Variants in RNF24 observed in about 807,000 individuals in gnomAD.
The protein encoded by RNF24 is ring finger protein 24.
A neutral mutation model predicts 20.0 loss-of-function variants in RNF24; 14 were observed. That is an observed-to-expected ratio of 0.70 (90% CI 0.46 to 1.10). The LOEUF (loss-of-function observed/expected upper bound fraction) is 1.10, where lower values mean the gene tolerates loss of function less well. Among genes scored for constraint, RNF24 ranks in the 50% least tolerant of loss-of-function variants. The pLI is 0.00. For missense variants in RNF24, 124 were observed against 177.6 expected, an observed-to-expected ratio of 0.70 and a Z score of 1.71; for synonymous variants, 45 against 61.1, an observed-to-expected ratio of 0.74 and a Z score of 1.23.
rs145700670 is a variant in RNF24 at position 3,989,655 on chromosome 20, G to A, written c.-7-25631C>T. ...TGTATTTTCCTGCTGTTTTGTTGTGGGTAGAGTCATGTGACTAAAACTTGT... is the reference window on the plus strand; with the variant it reads ...TGTATTTTCCTGCTGTTTTGTTGTGAGTAGAGTCATGTGACTAAAACTTGT... On this transcript the variant is annotated intron_variant, in intron 1 of 5. Transcript: ENST00000358395. Among the ~76,000 whole-genome samples the A allele has an allele frequency of 3.3e-5, 5 of 152,210 alleles. No individual in the cohort carries two copies. The East Asian group carries it at 9.6e-4, about 29-fold the overall frequency.
At chr20:3,935,718 T>C (rs2090882632) in intron 4 of RNF24, among the ~76,000 whole-genome samples, 1 of 152,250 alleles carries the variant, frequency 6.6e-6, no homozygotes, top group South Asian at 2.1e-4. Flanking sequence ...TTTGCCATCG[T>C]ACCCAGGGGC....
intron 3 of RNF24, among the ~76,000 whole-genome samples, chr20:3,945,715 C>CAA (rs11481275): frequency 6.4e-4 from 74 of 115,424 alleles, no homozygotes; most frequent in African/African-American, 8.3e-4. Context: ...AACTCCGTCT[C>CAA]AAAAAAAAAA....
chr20:3,973,500 C>CAAAAAAAAAAAAAAAAAAAAAAAA (rs56824542), intron 1 of RNF24, among the ~76,000 whole-genome samples: 5 of 101,106 alleles, frequency 4.9e-5, no homozygotes, highest in Admixed American at 1.2e-4. Context: ...GGAAGAATGA[C>CAAAAAAAAAAAAAAAAAAAAAAAA]AAAAAAAAAA....
At chr20:3,978,596 T>G (rs1240344015) in intron 1 of RNF24, among the ~76,000 whole-genome samples, 1 of 152,090 alleles carries the variant, frequency 6.6e-6, no homozygotes, top group African/African-American at 2.4e-5. Context: ...CTTTAAATGA[T>G]TCTAAGATAT....
In RNF24 at chr20:3,937,856, C is replaced by T. The variant is rs1041015110; in HGVS notation, c.229-2783G>A. Among the ~76,000 whole-genome samples, 3 of 152,108 alleles carry T rather than the reference C, an allele frequency of 2.0e-5. No homozygotes were observed. The East Asian group carries it at 5.8e-4, about 29-fold the overall frequency. ...TACCGCATTTTGTTTACCCATTTAT[C>T]TATTGATGGCCACCTGGGTTGTTTC... On this transcript the variant is annotated intron_variant, in intron 4 of 5. Transcript: ENST00000358395.
chr20:3,991,355 G>T lies in RNF24; in HGVS notation c.-8+24082C>A, dbSNP rs554554309. Reference sequence around the variant, plus strand: ...CAACCTCCGCCTACCTGGTTCAAGTGATTCTCCTGCCTCAGCTTCCCAAGC... The same window carrying T: ...CAACCTCCGCCTACCTGGTTCAAGTTATTCTCCTGCCTCAGCTTCCCAAGC... On this transcript the variant is annotated intron_variant, in intron 1 of 5. Coordinates refer to ENST00000358395, the MANE Select transcript of RNF24 (RefSeq NM_001134337.3). Among the ~76,000 whole-genome samples, 250 of 146,836 alleles carry T rather than the reference G, an allele frequency of 1.7e-3. 1 individual carries two copies. Among genetic ancestry groups the T allele is most frequent in the African/African-American group, 5.9e-3 (235 of 39,596 alleles).
chr20:3,931,686 C>A lies in RNF24; in HGVS notation c.*2377G>T, dbSNP rs1395151854. On this transcript the variant is annotated 3_prime_UTR_variant, in exon 6 of 6. Transcript: ENST00000358395. ...TCACTGTTCCAGCTTCCAGCCCAAT[C>A]CTAGCAGAATGAATGCATTTTAAAA... 1 of 152,216 alleles carries A rather than the reference C, an allele frequency of 6.6e-6. No homozygotes were observed. The highest frequency in any genetic ancestry group is 1.9e-4 in the East Asian group (1 of 5,190). The allele number at this position is 152,216 out of a possible 1,614,324, so 9.4% of individuals were successfully genotyped here. A position where few individuals can be genotyped will look rare whatever the true frequency, so the allele number is the denominator to read the frequency against.
intron 1 of RNF24, among the ~76,000 whole-genome samples, chr20:4,010,508 C>T (rs1982376927): frequency 6.6e-6 from 1 of 152,184 alleles, no homozygotes; most frequent in Admixed American, 6.5e-5. Flanking sequence ...ATATTTGTCA[C>T]ATTTAATAAT....
intron 1 of RNF24, among the ~76,000 whole-genome samples, chr20:3,986,063 T>C (rs1655312488): frequency 6.6e-6 from 1 of 152,120 alleles, no homozygotes; most frequent in African/African-American, 2.4e-5. Context: ...ATTTTCTCTA[T>C]TTTTATGTAA....
Position 3,934,303 on chromosome 20 carries a change from G to A in RNF24, c.309-102C>T, listed in dbSNP as rs548963442. The stretch of plus-strand genomic sequence containing the variant: ...ATCTGTCACCCAGACAACGTCTGCT[G>A]TATGGTCCAAGGAGCTCCCCTCCTA... On this transcript the variant is annotated intron_variant, in intron 5 of 5. Coordinates refer to ENST00000358395, the MANE Select transcript of RNF24 (RefSeq NM_001134337.3). This position sits in a 1 kb window ranked among gnomAD's most constrained non-coding sequence, Gnocchi z 4.0. The A allele has an allele frequency of 1.2e-4, 148 of 1,250,676 alleles. 1 individual carries two copies. In the South Asian group the frequency reaches 1.9e-3, roughly 16 times the overall value. 77.5% of individuals were successfully genotyped at this position (1,250,676 alleles called of 1,614,324 possible).
chr20:3,945,340 A>G, intron 3 of RNF24, 122 bp from the exon 4 acceptor site: 1 of 969,450 alleles, frequency 1.0e-6, no homozygotes, highest in Non-Finnish European at 1.5e-6. Context: ...TTCAATATTG[A>G]AGGGAATTTC....
intron 1 of RNF24, among the ~76,000 whole-genome samples, chr20:3,968,814 T>C (rs892046018): frequency 9.2e-5 from 14 of 152,106 alleles, no homozygotes; most frequent in Non-Finnish European, 1.8e-4. Flanking sequence ...CACTGGGTTC[T>C]AGAGAGAATT....
At chr20:3,954,855 C>T (rs955469418) in intron 2 of RNF24, among the ~76,000 whole-genome samples, 46 of 151,154 alleles carry the variant, frequency 3.0e-4, no homozygotes, top group African/African-American at 8.3e-4. Context: ...GCCGAGATCG[C>T]GCCATTGCAC....
intron 3 of RNF24, among the ~76,000 whole-genome samples, chr20:3,946,191 G>A (rs1476393385): frequency 2.0e-5 from 3 of 152,136 alleles, no homozygotes; most frequent in African/African-American, 7.2e-5. Flanking sequence ...ACGTGGCCAG[G>A]CACGGTAGCT....
In RNF24 at chr20:3,931,089, C is replaced by T. The variant is rs2090815733; in HGVS notation, c.*2974G>A. Reference sequence around the variant, plus strand: ...GTCAGGCTGGTTTTGTTCCCTGTTTCTGAAGGCAGTTGAATTCAGTTGTAC... The same window carrying T: ...GTCAGGCTGGTTTTGTTCCCTGTTTTTGAAGGCAGTTGAATTCAGTTGTAC... On this transcript the variant is annotated 3_prime_UTR_variant, in exon 6 of 6. Transcript: ENST00000358395. 1 of 152,256 alleles carries T rather than the reference C, an allele frequency of 6.6e-6. No homozygotes were observed. Among genetic ancestry groups the T allele is most frequent in the South Asian group, 2.1e-4 (1 of 4,836 alleles). 9.4% of individuals were successfully genotyped at this position (152,256 alleles called of 1,614,324 possible).
At chr20:3,979,317 A>T (rs572424222) in intron 1 of RNF24, among the ~76,000 whole-genome samples, 9 of 152,118 alleles carry the variant, frequency 5.9e-5, no homozygotes, top group East Asian at 1.9e-4. Context: ...GTGTAAAATT[A>T]ACTCAACAAT....
chr20:3,979,143 G>A (rs996815495), intron 1 of RNF24, among the ~76,000 whole-genome samples: 1 of 149,088 alleles, frequency 6.7e-6, no homozygotes, highest in Non-Finnish European at 1.5e-5. Context: ...ATATATCTAC[G>A]TATCTATACT....
rs145184023 is a variant in RNF24 at position 3,952,323 on chromosome 20, T to A, written c.144-4044A>T. Among the ~76,000 whole-genome samples the A allele has an allele frequency of 3.7e-3, 566 of 152,270 alleles. 3 individuals are homozygous for A. Among genetic ancestry groups the A allele is most frequent in the South Asian group, 0.011 (52 of 4,820 alleles). On this transcript the variant is annotated intron_variant, in intron 2 of 5. Coordinates refer to ENST00000358395, the MANE Select transcript of RNF24 (RefSeq NM_001134337.3). ...CATTTCTCCTAGACATTTGGTAATTTTTGATGCTACTGTAAATAGTGTTGA... is the reference window on the plus strand; with the variant it reads ...CATTTCTCCTAGACATTTGGTAATTATTGATGCTACTGTAAATAGTGTTGA...
chr20:3,964,699 A>T lies in RNF24; in HGVS notation c.-7-675T>A, dbSNP rs554515211. Among the ~76,000 whole-genome samples, 99 of 151,992 alleles carry T rather than the reference A, an allele frequency of 6.5e-4. 1 individual carries two copies. The highest frequency in any genetic ancestry group is 2.0e-3 in the African/African-American group (83 of 41,456). On this transcript the variant is annotated intron_variant, in intron 1 of 5. Coordinates refer to ENST00000358395, the MANE Select transcript of RNF24 (RefSeq NM_001134337.3). ...CACCACACCTAGCTAATTTTTAAAA[A>T]TTTTTTTGTAGAGATAGCATGTTGC...
Sources: allele counts gnomAD v4.1 joint callset (sites outside exome capture counted in the v4.1 genomes callset), GRCh38; gene constraint gnomAD v4.1.1; non-coding constraint Gnocchi (gnomAD v3.1); transcripts MANE v1.5; gene names NCBI Gene and HGNC (gene_info 2026-07-23, HGNC 2026-07-21).